ARHGAP25: variants seen among roughly 807,000 people sequenced by gnomAD.
The protein encoded by ARHGAP25 is rho GTPase-activating protein 25.
Under a neutral mutation model 71.0 loss-of-function variants are expected in ARHGAP25, and 34 were observed. That is an observed-to-expected ratio of 0.48 (90% confidence interval 0.36 to 0.64). The LOEUF (loss-of-function observed/expected upper bound fraction) is 0.64, where lower values mean the gene tolerates loss of function less well. ARHGAP25 is among the 30% of genes least tolerant of loss of function. The pLI is 0.00. For synonymous variants in ARHGAP25, 282 were observed against 296.5 expected (o/e 0.95, Z 0.50); for missense variants, 706 against 805.1 (o/e 0.88, Z 1.49).
intron 1 of ARHGAP25, among the ~76,000 whole-genome samples, chr2:68,742,005 C>G (rs1222795775): frequency 6.6e-6 from 1 of 152,208 alleles, no homozygotes; most frequent in Non-Finnish European, 1.5e-5. Flanking sequence ...GCAAGCACCC[C>G]TCACCACCCC....
chr2:68,712,600 T>A (rs1674513321), intron 2 of ARHGAP25, among the ~76,000 whole-genome samples: 1 of 152,244 alleles, frequency 6.6e-6, no homozygotes, highest in Non-Finnish European at 1.5e-5. Context: ...ATGTCCTGAA[T>A]GGTATTGCCT....
intron 1 of ARHGAP25, chr2:68,774,849 C>G: frequency 1.6e-6 from 2 of 1,218,376 alleles, no homozygotes; most frequent in Non-Finnish European, 2.1e-6. Context: ...TTGTCAGATA[C>G]TGACTCCCAC....
Position 68,750,315 on chromosome 2 carries a change from G to GAAGC in ARHGAP25, c.61+15056_61+15059dup, listed in dbSNP as rs1676083467. On this transcript the variant is annotated intron_variant, in intron 1 of 10. Coordinates refer to ENST00000409202, the MANE Select transcript of ARHGAP25 (RefSeq NM_001007231.3). The stretch of plus-strand genomic sequence containing the variant: ...CATGAGCCACTGCGCCCAGCCCCAT[G>GAAGC]AAGCCACTTTTTTTTTTTTTTTTTG... Among the ~76,000 whole-genome samples the GAAGC allele has an allele frequency of 2.4e-5, 3 of 127,550 alleles. No homozygotes were observed. In the Admixed American group the frequency reaches 2.5e-4, roughly 11 times the overall value. 83.7% of individuals were successfully genotyped at this position (127,550 alleles called of 152,430 possible). A position where few individuals can be genotyped will look rare whatever the true frequency, so the allele number is the denominator to read the frequency against.
chr2:68,821,469 A>C (rs1197687740), intron 9 of ARHGAP25, among the ~76,000 whole-genome samples: 1 of 152,176 alleles, frequency 6.6e-6, no homozygotes, highest in Non-Finnish European at 1.5e-5. Flanking sequence ...ACTCAGGCAG[A>C]TGTATTTCTC....
chr2:68,733,166 A>G (rs1041300965), upstream of ARHGAP25, among the ~76,000 whole-genome samples: 2 of 152,212 alleles, frequency 1.3e-5, no homozygotes, highest in Non-Finnish European at 2.9e-5. Flanking sequence ...AGGCAGGCAG[A>G]CAGCCAGGCC....
intron 1 of ARHGAP25, among the ~76,000 whole-genome samples, chr2:68,756,531 C>T (rs773888494): frequency 8.5e-5 from 13 of 152,176 alleles, no homozygotes; most frequent in Non-Finnish European, 1.6e-4. Context: ...AAAGCAACCA[C>T]ATATATGGGG....
chr2:68,813,556 A>G, intron 6 of ARHGAP25, 137 bp downstream of exon 6: 1 of 934,278 alleles, frequency 1.1e-6, no homozygotes, highest in Non-Finnish European at 1.5e-6. Flanking sequence ...TCAGCAACAA[A>G]AGGTATATGA....
intron 1 of ARHGAP25, among the ~76,000 whole-genome samples, chr2:68,751,866 C>G (rs1676197595): frequency 6.6e-6 from 1 of 152,210 alleles, no homozygotes; most frequent in African/African-American, 2.4e-5. Flanking sequence ...CCTGGCCAGC[C>G]ACAGGCCTGC....
chr2:68,745,961 A>G (rs1675787626), intron 1 of ARHGAP25, among the ~76,000 whole-genome samples: 1 of 152,158 alleles, frequency 6.6e-6, no homozygotes, highest in Non-Finnish European at 1.5e-5. Context: ...CCACTCCTTC[A>G]AGCCCTTTTA....
At chr2:68,782,009 T>G (rs1678374892) in intron 2 of ARHGAP25, among the ~76,000 whole-genome samples, 1 of 152,178 alleles carries the variant, frequency 6.6e-6, no homozygotes, top group Non-Finnish European at 1.5e-5. Flanking sequence ...TATCAGAACC[T>G]TGTCTTTCTC....
chr2:68,822,657 C>T lies in ARHGAP25; in HGVS notation c.1518C>T (p.Val506=). 1 of 1,614,150 alleles carries T rather than the reference C, an allele frequency of 6.2e-7. No individual in the cohort carries two copies. The highest frequency in any genetic ancestry group is 8.5e-7 in the Non-Finnish European group (1 of 1,180,028). ...DSQRTSTYDN[V]PSLPGSPGEE... ...AACGGACTTCCACCTACGATAACGT[C>T]CCTTCCCTGCCAGGGTCCCCTGGGG... Residue 506 remains valine, a synonymous_variant, in exon 10 of 11, where the codon GTC becomes GTT. Coordinates refer to ENST00000409202, the MANE Select transcript of ARHGAP25 (RefSeq NM_001007231.3).
chr2:68,720,616 C>T (rs10206060), intron 2 of ARHGAP25, among the ~76,000 whole-genome samples: 1,666 of 152,302 alleles, frequency 0.011, 35 homozygotes, highest in African/African-American at 0.038. Flanking sequence ...ACTTTCTCTA[C>T]GCTAGATGTT....
At position 68,816,273 on chromosome 2, in the gene ARHGAP25, G is replaced by A. The variant is rs1681228020; in HGVS notation, c.808-16G>A. On this transcript the variant is annotated splice_polypyrimidine_tract_variant and intron_variant, in intron 6 of 10. Transcript: ENST00000409202. ...ATTTACTGGTAAATGATTTACTTGT[G>A]TAAATCTCTTCCCAGGCTCAGCAGG... 6.2e-7 allele frequency: 1 copy of A among 1,608,638 alleles called. No homozygotes were observed. Among genetic ancestry groups the A allele is most frequent in the Non-Finnish European group, 8.5e-7 (1 of 1,175,136 alleles).
At chr2:68,724,397 A>G (rs1035050967) in intron 2 of ARHGAP25, among the ~76,000 whole-genome samples, 4 of 152,136 alleles carry the variant, frequency 2.6e-5, no homozygotes, top group African/African-American at 9.7e-5. Flanking sequence ...CCTCTCTCAT[A>G]CTAGCCCCTC....
At chr2:68,793,913 A>AT (rs1207339234) in intron 4 of ARHGAP25, among the ~76,000 whole-genome samples, 4 of 151,650 alleles carry the variant, frequency 2.6e-5, no homozygotes, top group African/African-American at 4.8e-5. Context: ...TGAGCATGGG[A>AT]TTTTTTTTAT....
chr2:68,765,210 A>T (rs898479515), intron 1 of ARHGAP25, among the ~76,000 whole-genome samples: 2 of 152,132 alleles, frequency 1.3e-5, no homozygotes, highest in Non-Finnish European at 2.9e-5. Context: ...CAGTGCAGGG[A>T]TATGGAGGCG....
intron 1 of ARHGAP25, among the ~76,000 whole-genome samples, chr2:68,765,137 C>G (rs1677049608): frequency 6.6e-6 from 1 of 152,120 alleles, no homozygotes; most frequent in Non-Finnish European, 1.5e-5. Flanking sequence ...ACAGGAAATA[C>G]TATCCATACT....
In ARHGAP25 at chr2:68,750,322, CT is replaced by C. The variant is rs367795010; in HGVS notation, c.61+15079del. Among the ~76,000 whole-genome samples the C allele has an allele frequency of 9.9e-3, 1,374 of 139,282 alleles. 15 individuals carry two copies. The highest frequency in any genetic ancestry group is 0.024 in the African/African-American group (898 of 37,418). 91.4% of individuals were successfully genotyped at this position (139,282 alleles called of 152,430 possible). Reference sequence around the variant, plus strand: ...CACTGCGCCCAGCCCCATGAAGCCACTTTTTTTTTTTTTTTTTGAGATAGAG... The same window carrying C: ...CACTGCGCCCAGCCCCATGAAGCCACTTTTTTTTTTTTTTTTGAGATAGAG... On this transcript the variant is annotated intron_variant, in intron 1 of 10. Coordinates refer to ENST00000409202, the MANE Select transcript of ARHGAP25 (RefSeq NM_001007231.3).
chr2:68,811,229 T>C (rs530239734), intron 5 of ARHGAP25, among the ~76,000 whole-genome samples: 1 of 152,334 alleles, frequency 6.6e-6, no homozygotes, highest in South Asian at 2.1e-4. Flanking sequence ...GACTTTAGGA[T>C]AATAGAATTG....
Sources: gnomAD v4.1 joint callset for allele counts (sites outside exome capture counted in the v4.1 genomes callset) on GRCh38, gnomAD v4.1.1 for gene constraint, MANE v1.5 for transcripts, NCBI Gene and HGNC (gene_info 2026-07-23, HGNC 2026-07-21) for gene names.